Variants in GRIN2A observed in about 807,000 individuals in gnomAD.
GRIN2A encodes glutamate receptor ionotropic, NMDA 2A.
A neutral mutation model predicts 113.4 loss-of-function variants in GRIN2A; 22 were observed. That is an observed-to-expected ratio of 0.19 (90% CI 0.14 to 0.28). The LOEUF (loss-of-function observed/expected upper bound fraction) is 0.28, where lower values mean the gene tolerates loss of function less well. Ranked by LOEUF, GRIN2A falls within the 10% of genes least tolerant of loss-of-function variation. The pLI is 1.00. For missense variants in GRIN2A, 1,502 were observed against 1,887.0 expected (o/e 0.80, Z 3.78); for synonymous variants, 827 against 738.4 (o/e 1.12, Z -1.94).
chr16:10,003,900 T>A (rs2046362818), intron 2 of GRIN2A, among the ~76,000 whole-genome samples: 1 of 152,126 alleles, frequency 6.6e-6, no homozygotes, highest in Non-Finnish European at 1.5e-5. Context: ...AGGTAATGGA[T>A]CATGCAGTCA....
chr16:10,056,261 C>G (rs1012510682), intron 2 of GRIN2A, among the ~76,000 whole-genome samples: 2 of 152,178 alleles, frequency 1.3e-5, no homozygotes, highest in African/African-American at 4.8e-5. Context: ...ATTCATCCCT[C>G]CACCCATTTA....
At chr16:10,129,499 T>C (rs760675516) in intron 2 of GRIN2A, among the ~76,000 whole-genome samples, 2 of 152,184 alleles carry the variant, frequency 1.3e-5, no homozygotes, top group Non-Finnish European at 2.9e-5. Context: ...ATGAACAGCC[T>C]GTCACAGTCA....
At chr16:9,790,201 G>A (rs1375848607) in intron 11 of GRIN2A, among the ~76,000 whole-genome samples, 2 of 152,148 alleles carry the variant, frequency 1.3e-5, no homozygotes, top group South Asian at 2.1e-4. Flanking sequence ...TGTCCTCTAC[G>A]ACCATTACTT....
At chr16:10,054,856 G>A (rs910709286) in intron 2 of GRIN2A, among the ~76,000 whole-genome samples, 7 of 151,452 alleles carry the variant, frequency 4.6e-5, no homozygotes, top group African/African-American at 7.3e-5. Context: ...GACCATCCTG[G>A]CTAATATGGT....
At chr16:9,779,929 G>A (rs1163212010) in intron 11 of GRIN2A, among the ~76,000 whole-genome samples, 1 of 152,168 alleles carries the variant, frequency 6.6e-6, no homozygotes, top group African/African-American at 2.4e-5. Flanking sequence ...ACAGTCCTCT[G>A]CCCCCATTGT....
intron 9 of GRIN2A, among the ~76,000 whole-genome samples, chr16:9,828,934 G>C (rs1160671143): frequency 6.6e-6 from 1 of 152,158 alleles, no homozygotes; most frequent in Non-Finnish European, 1.5e-5. Context: ...AGACTGATTT[G>C]GCTGTATGGA....
chr16:10,011,155 T>G (rs2046497248), intron 2 of GRIN2A, among the ~76,000 whole-genome samples: 1 of 152,204 alleles, frequency 6.6e-6, no homozygotes, highest in Non-Finnish European at 1.5e-5. Flanking sequence ...TACACGGTAA[T>G]AGTTGTGCCT....
intron 3 of GRIN2A, 129 bp downstream of exon 3, chr16:9,937,830 G>A (rs1410998077): frequency 2.8e-6 from 2 of 703,622 alleles, no homozygotes; most frequent in Non-Finnish European, 5.1e-6. Flanking sequence ...CAAAATAAAA[G>A]TCCCGTAAGT....
chr16:9,753,482 A>G lies in GRIN2A; in HGVS notation c.*9667T>C, dbSNP rs935957408. 1.5e-5 allele frequency: 3 copies of G among 202,856 alleles called. No individual in the cohort carries two copies. Among genetic ancestry groups the G allele is most frequent in the South Asian group, 3.8e-4 (2 of 5,256 alleles). The allele number at this position is 202,856 out of a possible 1,614,324, so 12.6% of individuals were successfully genotyped here. ...TTTCCTGTATTTACATTTTTACACC[A>G]TATGACCGGGCACTTCTGTTGCCTC... On this transcript the variant is annotated 3_prime_UTR_variant, in exon 13 of 13. Coordinates refer to ENST00000330684, the MANE Select transcript of GRIN2A (RefSeq NM_001134407.3).
chr16:9,943,112 C>T (rs1330378774), intron 2 of GRIN2A: 1 of 152,234 alleles, frequency 6.6e-6, no homozygotes, highest in East Asian at 1.9e-4. Flanking sequence ...ATGGTAGAGG[C>T]CACCTCTCCT....
chr16:9,840,739 T>G lies in GRIN2A; in HGVS notation c.1559A>C (p.Glu520Ala). Residue 520 changes from glutamate (E) to alanine (A), a missense_variant, in exon 7 of 13, where the codon GAA becomes GCA. Physicochemically the swap from Glu to Ala is moderately radical, Grantham distance 107. Around this residue, in one of 7 missense-constraint regions of GRIN2A, gnomAD observed 82 missense variants for 222.7 expected, o/e 0.37. Coordinates refer to ENST00000330684, the MANE Select transcript of GRIN2A (RefSeq NM_001134407.3). ...GSLTINEERS[E>A]VVDFSVPFVE... ...AAAGGGCACAGAGAAGTCCACCACT[T>G]CAGAACGTTCCTCATTGATGGTGAG... 6.2e-7 allele frequency: 1 copy of G among 1,607,350 alleles called. No homozygotes were observed. Among genetic ancestry groups the G allele is most frequent in the Non-Finnish European group, 8.5e-7 (1 of 1,179,208 alleles).
At chr16:9,967,250 A>G (rs1217467115) in intron 2 of GRIN2A, among the ~76,000 whole-genome samples, 3 of 152,238 alleles carry the variant, frequency 2.0e-5, no homozygotes, top group African/African-American at 4.8e-5. Flanking sequence ...ACACCACGGA[A>G]TACTATTCAG....
At chr16:9,971,445 AG>A (rs2045667757) in intron 2 of GRIN2A, among the ~76,000 whole-genome samples, 1 of 152,350 alleles carries the variant, frequency 6.6e-6, no homozygotes, top group South Asian at 2.1e-4. Flanking sequence ...CTGTGCTCTC[AG>A]GGAACTGTAG....
Position 9,763,394 on chromosome 16 carries a change from A to G in GRIN2A, c.4150T>C (p.Ser1384Pro). ...GGCAACGAGTGTTTGTAAGGGTCCG[A>G]GGGGCATCTCCCAATAACCAAGCGT... ...DQRLVIGRCPSDPYKHSLPSQ... is the reference protein window; with the variant it reads ...DQRLVIGRCPPDPYKHSLPSQ... Residue 1384 changes from serine to proline, a missense_variant, in exon 13 of 13, where the codon TCG becomes CCG. Coordinates refer to ENST00000330684, the MANE Select transcript of GRIN2A (RefSeq NM_001134407.3). 6.2e-7 allele frequency: 1 copy of G among 1,614,110 alleles called. No individual in the cohort carries two copies. Among genetic ancestry groups the G allele is most frequent in the East Asian group, 2.2e-5 (1 of 44,866 alleles).
intron 2 of GRIN2A, among the ~76,000 whole-genome samples, chr16:10,148,473 T>A (rs150673804): frequency 3.3e-5 from 5 of 152,334 alleles, no homozygotes; most frequent in African/African-American, 1.2e-4. Flanking sequence ...TGCCGACAGC[T>A]GCACCCACAA....
intron 2 of GRIN2A, among the ~76,000 whole-genome samples, chr16:9,957,594 C>T (rs927568916): frequency 1.3e-5 from 2 of 152,110 alleles, no homozygotes; most frequent in African/African-American, 2.4e-5. Flanking sequence ...AAATATAAAA[C>T]CTAAGAGGCA....
chr16:10,123,919 T>A (rs2048879028), intron 2 of GRIN2A, among the ~76,000 whole-genome samples: 1 of 152,172 alleles, frequency 6.6e-6, no homozygotes, highest in Admixed American at 6.5e-5. Context: ...GAAAGCTATA[T>A]GTATAAATCA....
intron 2 of GRIN2A, among the ~76,000 whole-genome samples, chr16:9,953,820 T>G (rs1030355064): frequency 6.6e-6 from 1 of 152,108 alleles, no homozygotes; most frequent in Non-Finnish European, 1.5e-5. Context: ...CAGTGAGATG[T>G]TCACCTGGGA....
intron 2 of GRIN2A, chr16:10,111,598 G>T: frequency 9.0e-7 from 1 of 1,106,218 alleles, no homozygotes; most frequent in Admixed American, 1.7e-5. Flanking sequence ...TATGGACACT[G>T]AGACAGAGGC....
Sources: allele counts gnomAD v4.1 joint callset (sites outside exome capture counted in the v4.1 genomes callset), GRCh38; gene constraint gnomAD v4.1.1; regional missense constraint gnomAD v4.1.1; transcripts MANE v1.5; gene names NCBI Gene and HGNC (gene_info 2026-07-23, HGNC 2026-07-21).